CTNNA2: variants seen among roughly 807,000 people sequenced by gnomAD.
CTNNA2 encodes the protein catenin alpha 2.
In CTNNA2, 42 loss-of-function variants were observed where a neutral mutation model predicts 101.0. The ratio of observed to expected loss-of-function variants is 0.42; its 90% CI spans 0.32 to 0.54. The LOEUF (loss-of-function observed/expected upper bound fraction) is 0.54, where lower values mean the gene tolerates loss of function less well. Among genes scored for constraint, CTNNA2 ranks in the 20% least tolerant of loss-of-function variants. CTNNA2 has a pLI of 0.14. For missense variants in CTNNA2, 871 were observed against 1,223.1 expected (o/e 0.71, Z 4.29); for synonymous variants, 450 against 456.4 (o/e 0.99, Z 0.18).
intron 1 of CTNNA2, among the ~76,000 whole-genome samples, chr2:79,576,054 C>A (rs1232571209): frequency 6.6e-6 from 1 of 152,136 alleles, no homozygotes; most frequent in East Asian, 1.9e-4. Context: ...TGTAATTATT[C>A]ATTTCCTTTT....
At chr2:79,226,916 CT>C (rs1210365105) in intron 2 of CTNNA2, among the ~76,000 whole-genome samples, 1 of 152,002 alleles carries the variant, frequency 6.6e-6, no homozygotes, top group African/African-American at 2.4e-5. Context: ...CTGCCATGAA[CT>C]TTGTTTTAGT....
intron 3 of CTNNA2, among the ~76,000 whole-genome samples, chr2:79,813,050 C>T (rs539234414): frequency 5.3e-5 from 8 of 152,274 alleles, no homozygotes; most frequent in African/African-American, 1.7e-4. Context: ...TAGGTGACTG[C>T]AGTGACAGTT....
intron 1 of CTNNA2, among the ~76,000 whole-genome samples, chr2:79,592,784 A>G (rs1321080412): frequency 6.6e-6 from 1 of 152,198 alleles, no homozygotes; most frequent in Non-Finnish European, 1.5e-5. Flanking sequence ...GCCACATGAT[A>G]TGCATATGAT....
At chr2:80,539,568 A>G (rs938570659) in intron 9 of CTNNA2, among the ~76,000 whole-genome samples, 1 of 152,088 alleles carries the variant, frequency 6.6e-6, no homozygotes, top group African/African-American at 2.4e-5. Flanking sequence ...CTGTAATCCT[A>G]AAGTTTTTGG....
intron 7 of CTNNA2, among the ~76,000 whole-genome samples, chr2:80,205,762 A>G (rs1707495508): frequency 6.6e-6 from 1 of 152,158 alleles, no homozygotes; most frequent in Non-Finnish European, 1.5e-5. Flanking sequence ...GTACTCCTCA[A>G]ATAGAAGGTG....
chr2:80,384,026 GGAGCTGGA>G (rs1259226249), intron 7 of CTNNA2, among the ~76,000 whole-genome samples: 1 of 152,138 alleles, frequency 6.6e-6, no homozygotes, highest in African/African-American at 2.4e-5. Context: ...CAACATGGAT[GGAGCTGGA>G]GACCATTATC....
At chr2:79,744,064 C>T (rs1671477170) in intron 2 of CTNNA2, among the ~76,000 whole-genome samples, 1 of 152,168 alleles carries the variant, frequency 6.6e-6, no homozygotes, top group Non-Finnish European at 1.5e-5. Context: ...AGGCTGGGTA[C>T]TCCAAGGAGC....
intron 3 of CTNNA2, among the ~76,000 whole-genome samples, chr2:79,329,177 T>C (rs911112086): frequency 1.3e-5 from 2 of 152,152 alleles, no homozygotes; most frequent in African/African-American, 4.8e-5. Context: ...TTCAGCCCAG[T>C]ACAGTGCCTG....
chr2:80,163,301 T>A (rs939285258), intron 7 of CTNNA2, among the ~76,000 whole-genome samples: 1 of 151,992 alleles, frequency 6.6e-6, no homozygotes, highest in Non-Finnish European at 1.5e-5. Flanking sequence ...CTTGGTCATT[T>A]TATATATATA....
chr2:79,350,861 CT>C (rs1392534659), intron 3 of CTNNA2, among the ~76,000 whole-genome samples: 1 of 152,104 alleles, frequency 6.6e-6, no homozygotes, highest in African/African-American at 2.4e-5. Flanking sequence ...CTCACTGTGG[CT>C]GTAATTTGCA....
chr2:80,618,833 A>T (rs1699065708), intron 17 of CTNNA2: 1 of 285,110 alleles, frequency 3.5e-6, no homozygotes, highest in Non-Finnish European at 6.5e-6. Flanking sequence ...GGCAGGGTGC[A>T]TCTTCATTCT....
chr2:79,312,774 C>G (rs566933078), exon 3 of CTNNA2: 15 of 152,304 alleles, frequency 9.8e-5, no homozygotes, highest in Non-Finnish European at 2.2e-4. Context: ...ATGCATGAAT[C>G]ACACAGCAAT....
At chr2:80,632,497 A>G (rs1173031342) in intron 18 of CTNNA2, among the ~76,000 whole-genome samples, 6 of 152,136 alleles carry the variant, frequency 3.9e-5, no homozygotes, top group Non-Finnish European at 2.9e-5. Context: ...GAGGGCCCCA[A>G]GCATGTTTCC....
intron 4 of CTNNA2, among the ~76,000 whole-genome samples, chr2:79,476,174 G>A (rs1371829542): frequency 1.3e-5 from 2 of 152,212 alleles, no homozygotes; most frequent in African/African-American, 4.8e-5. Context: ...GTGAAGTGGA[G>A]ATGGCAGGAG....
chr2:80,176,160 A>G (rs1159826428), intron 7 of CTNNA2, among the ~76,000 whole-genome samples: 2 of 152,206 alleles, frequency 1.3e-5, no homozygotes, highest in Non-Finnish European at 2.9e-5. Context: ...CCTTAAACCC[A>G]TACACATCTT....
At chr2:79,562,426 G>C (rs1674838625) in intron 1 of CTNNA2, among the ~76,000 whole-genome samples, 1 of 151,892 alleles carries the variant, frequency 6.6e-6, no homozygotes. Flanking sequence ...AAATTTATTT[G>C]TTCATTTATG....
intron 7 of CTNNA2, among the ~76,000 whole-genome samples, chr2:80,016,089 A>G (rs1010561552): frequency 6.6e-6 from 1 of 152,252 alleles, no homozygotes; most frequent in African/African-American, 2.4e-5. Flanking sequence ...GTATATAAAT[A>G]AAAAGAGGCT....
At chr2:79,258,148 A>G (rs1435382681) in intron 2 of CTNNA2, among the ~76,000 whole-genome samples, 1 of 152,198 alleles carries the variant, frequency 6.6e-6, no homozygotes, top group African/African-American at 2.4e-5. Context: ...ACTGGGGTTA[A>G]GACTTCAATA....
chr2:79,355,352 C>A (rs1453713754), intron 3 of CTNNA2, among the ~76,000 whole-genome samples: 4 of 152,100 alleles, frequency 2.6e-5, no homozygotes, highest in Non-Finnish European at 5.9e-5. Context: ...TTCTTTTAAT[C>A]CATGAACATA....
Sources: gnomAD v4.1 joint callset for allele counts (sites outside exome capture counted in the v4.1 genomes callset) on GRCh38, gnomAD v4.1.1 for gene constraint, MANE v1.5 for transcripts, NCBI Gene and HGNC (gene_info 2026-07-23, HGNC 2026-07-21) for gene names.